FRAS1: variants seen among roughly 807,000 people sequenced by gnomAD.
The protein encoded by FRAS1 is Fraser extracellular matrix complex subunit 1, also known as extracellular matrix organizing protein FRAS1.
FRAS1 carries 290 observed loss-of-function variants against 435.2 expected under a neutral mutation model. The observed-to-expected ratio is 0.67, with a 90% CI of 0.61 to 0.73. The LOEUF (loss-of-function observed/expected upper bound fraction) is 0.73. Among genes scored for constraint, FRAS1 ranks in the 30% least tolerant of loss-of-function variants. The pLI is 0.00. For synonymous variants in FRAS1, 1,800 were observed against 1,851.0 expected (o/e 0.97, Z 0.71); for missense variants, 4,860 against 5,001.5 (o/e 0.97, Z 0.85).
At chr4:78,311,335 G>A (rs1729010848) in intron 15 of FRAS1, among the ~76,000 whole-genome samples, 2 of 152,146 alleles carry the variant, frequency 1.3e-5, no homozygotes, top group Non-Finnish European at 2.9e-5. Context: ...ATGTTACAAA[G>A]TGCATGCTGT....
intron 3 of FRAS1, among the ~76,000 whole-genome samples, chr4:78,243,432 A>G (rs1261910293): frequency 6.6e-6 from 1 of 152,076 alleles, no homozygotes; most frequent in Non-Finnish European, 1.5e-5. Context: ...AACACTGCAA[A>G]GCCTGGAGAA....
intron 66 of FRAS1, among the ~76,000 whole-genome samples, chr4:78,517,753 T>C (rs764133758): frequency 7.2e-5 from 11 of 152,282 alleles, no homozygotes; most frequent in Middle Eastern, 3.4e-3. Context: ...TTTTTTTTTC[T>C]TTTTAAAGAT....
chr4:78,425,810 C>A (rs1019897794), intron 35 of FRAS1, among the ~76,000 whole-genome samples: 1 of 152,078 alleles, frequency 6.6e-6, no homozygotes, highest in Non-Finnish European at 1.5e-5. Flanking sequence ...TTATTTTCAG[C>A]ATTTTAAACC....
chr4:78,524,655 A>T (rs1721478950), intron 69 of FRAS1, among the ~76,000 whole-genome samples: 1 of 152,204 alleles, frequency 6.6e-6, no homozygotes, highest in African/African-American at 2.4e-5. Flanking sequence ...TCTTGCATTC[A>T]TTTGTTCAAC....
At chr4:78,411,013 G>A (rs1174425815) in intron 31 of FRAS1, among the ~76,000 whole-genome samples, 1 of 152,072 alleles carries the variant, frequency 6.6e-6, no homozygotes, top group Admixed American at 6.6e-5. Context: ...GTCCCTAAAG[G>A]ATTTCAAACT....
chr4:78,337,142 T>G (rs997047966), intron 19 of FRAS1, among the ~76,000 whole-genome samples: 1 of 152,224 alleles, frequency 6.6e-6, no homozygotes, highest in Non-Finnish European at 1.5e-5. Flanking sequence ...TAAGTATTGC[T>G]GATAAAATAA....
intron 2 of FRAS1, among the ~76,000 whole-genome samples, chr4:78,196,678 C>T (rs1280155522): frequency 1.3e-5 from 2 of 151,658 alleles, no homozygotes; most frequent in Non-Finnish European, 2.9e-5. Flanking sequence ...CACAGTATTT[C>T]TGATAGTGAT....
rs201961958 is a variant in FRAS1 at position 78,430,460 on chromosome 4, G to C, written c.4969+43G>C. On this transcript the variant is annotated intron_variant, in intron 37 of 73. Coordinates refer to ENST00000512123, the MANE Select transcript of FRAS1 (RefSeq NM_025074.7). ...CACTCTGTCACTGACCTGCTTGGAG[G>C]ATTTTTTGCTCTACAATCAGTTGTT... 9.4e-4 allele frequency: 1,492 copies of C among 1,583,422 alleles called. 16 individuals carry two copies. Among genetic ancestry groups the C allele is most frequent in the Non-Finnish European group, 1.7e-4 (202 of 1,163,898 alleles).
intron 10 of FRAS1, among the ~76,000 whole-genome samples, chr4:78,281,153 G>A (rs1727313195): frequency 6.6e-6 from 1 of 152,074 alleles, no homozygotes; most frequent in African/African-American, 2.4e-5. Context: ...TAGTATTGAG[G>A]GGAATTGAAA....
chr4:78,460,059 A>T (rs1412470021), intron 47 of FRAS1, among the ~76,000 whole-genome samples: 1 of 152,168 alleles, frequency 6.6e-6, no homozygotes, highest in African/African-American at 2.4e-5. Context: ...AGGCTTTTCA[A>T]AAATCCTGAA....
chr4:78,315,765 A>G lies in FRAS1; in HGVS notation c.1819+31A>G, dbSNP rs769157921. 1.9e-6 allele frequency: 3 copies of G among 1,612,700 alleles called. No individual in the cohort carries two copies. The East Asian group carries it at 6.7e-5, about 36-fold the overall frequency. ...AGATGGGTCACCATCATCATCATCA[A>G]AAAGTATTGAGTACATGTTTGACTA... On this transcript the variant is annotated intron_variant, in intron 16 of 73. Transcript: ENST00000512123.
At chr4:78,499,609 C>T in intron 60 of FRAS1, 112 bp from the exon 61 acceptor site, 1 of 992,672 alleles carries the variant, frequency 1.0e-6, no homozygotes, top group Non-Finnish European at 1.5e-6. Context: ...TGCCTTCATA[C>T]TGTTAACTAA....
At chr4:78,458,574 G>A (rs981626645) in intron 47 of FRAS1, among the ~76,000 whole-genome samples, 5 of 152,108 alleles carry the variant, frequency 3.3e-5, no homozygotes, top group African/African-American at 1.2e-4. Flanking sequence ...GGGAGAAAAG[G>A]CTGAAAAACT....
chr4:78,310,745 A>G (rs763853668), intron 15 of FRAS1, among the ~76,000 whole-genome samples: 1 of 152,250 alleles, frequency 6.6e-6, no homozygotes, highest in Non-Finnish European at 1.5e-5. Flanking sequence ...CAGTGAACCA[A>G]CTCACTGATT....
At chr4:78,483,786 A>C (rs1210102476) in intron 58 of FRAS1, among the ~76,000 whole-genome samples, 823 of 58,396 alleles carry the variant, frequency 0.014, 46 homozygotes, top group African/African-American at 0.036. Flanking sequence ...CTCTCTCTAT[A>C]TATATATATA....
At chr4:78,489,649 T>C (rs1423088576) in intron 59 of FRAS1, among the ~76,000 whole-genome samples, 3 of 152,190 alleles carry the variant, frequency 2.0e-5, no homozygotes, top group Admixed American at 6.6e-5. Flanking sequence ...TACAATCAAA[T>C]ACACATATCA....
At chr4:78,407,517 T>A in intron 30 of FRAS1, 146 bp from the exon 31 acceptor site, 1 of 607,224 alleles carries the variant, frequency 1.6e-6, no homozygotes, top group South Asian at 2.8e-5. Flanking sequence ...GAATTATGTG[T>A]TAACATCCTC....
rs1734641509 is a variant in FRAS1 at position 78,441,136 on chromosome 4, A to G, written c.5530-26A>G. 3.1e-6 allele frequency: 5 copies of G among 1,611,416 alleles called. No individual in the cohort carries two copies. In the East Asian group the frequency reaches 1.1e-4, roughly 36 times the overall value. ...CTGTGGTTATGTGAAATCACCAAGG[A>G]CTCTCTATGTTCTTTTCTTTCTTAG... is the stretch of plus-strand genomic sequence containing the variant. On this transcript the variant is annotated intron_variant, in intron 40 of 73. Coordinates refer to ENST00000512123, the MANE Select transcript of FRAS1 (RefSeq NM_025074.7).
intron 2 of FRAS1, among the ~76,000 whole-genome samples, chr4:78,234,237 T>C (rs773660229): frequency 3.3e-5 from 5 of 152,114 alleles, no homozygotes; most frequent in Admixed American, 1.3e-4. Context: ...TTTTTATTTA[T>C]TTTTTTGAGA....
Sources: gnomAD v4.1 joint callset for allele counts (sites outside exome capture counted in the v4.1 genomes callset) on GRCh38, gnomAD v4.1.1 for gene constraint, MANE v1.5 for transcripts, NCBI Gene and HGNC (gene_info 2026-07-23, HGNC 2026-07-21) for gene names.